Variants in YLPM1 observed in about 807,000 individuals in gnomAD.
YLPM1 encodes the protein YLP motif containing 1, also known as YLP motif-containing protein 1.
In YLPM1, 99 loss-of-function variants were observed where a neutral mutation model predicts 230.0. The observed-to-expected ratio is 0.43, with a 90% confidence interval of 0.37 to 0.51. YLPM1 has a LOEUF of 0.51. Ranked by LOEUF, YLPM1 falls within the 20% of genes least tolerant of loss-of-function variation. The pLI is 0.00. For synonymous variants in YLPM1, 984 were observed against 942.5 expected (o/e 1.04, Z -0.81); for missense variants, 2,592 against 2,707.7 (o/e 0.96, Z 0.95).
At chr14:74,769,854 CCCCCCCCCG>C (rs201030717) in intron 1 of YLPM1, among the ~76,000 whole-genome samples, 21,180 of 130,768 alleles carry the variant, frequency 0.16, 2,052 homozygotes, top group South Asian at 0.35. Flanking sequence ...GTGAGACACC[CCCCCCCCCG>C]CCCCCCGCCC....
chr14:74,791,497 T>A (rs566911358), intron 4 of YLPM1, among the ~76,000 whole-genome samples: 1 of 152,352 alleles, frequency 6.6e-6, no homozygotes, highest in Non-Finnish European at 1.5e-5. Flanking sequence ...ACTTCCTTTG[T>A]CCTTTCTTCT....
At chr14:74,830,406 C>T (rs142597248) in intron 19 of YLPM1, among the ~76,000 whole-genome samples, 2 of 152,210 alleles carry the variant, frequency 1.3e-5, no homozygotes, top group African/African-American at 4.8e-5. Flanking sequence ...GCAAAGGGAT[C>T]GTATTATATA....
Position 74,816,560 on chromosome 14 carries a change from A to G in YLPM1, c.5566-11A>G, listed in dbSNP as rs1429599552. ...AATTCGTTTTAACCTTCTTGACTGT[A>G]TGATTCTTAGGATAAGGAGGTAGAA... On this transcript the variant is annotated splice_polypyrimidine_tract_variant and intron_variant, in intron 12 of 20. Coordinates refer to ENST00000325680, the MANE Select transcript of YLPM1 (RefSeq NM_019589.3). 3.7e-6 allele frequency: 6 copies of G among 1,608,918 alleles called. No homozygotes were observed. The highest frequency in any genetic ancestry group is 5.1e-6 in the Non-Finnish European group (6 of 1,178,560).
At chr14:74,808,959 C>G (rs2091406838) in intron 6 of YLPM1, among the ~76,000 whole-genome samples, 2 of 152,124 alleles carry the variant, frequency 1.3e-5, no homozygotes, top group South Asian at 4.1e-4. Context: ...TTAATTATAA[C>G]CATTCCAGTG....
chr14:74,829,021 A>C (rs2091588246), intron 18 of YLPM1, among the ~76,000 whole-genome samples, 192 bp from the exon 19 acceptor site: 2 of 152,202 alleles, frequency 1.3e-5, no homozygotes, highest in African/African-American at 2.4e-5. Flanking sequence ...CAGTGTGAAT[A>C]CCAAACAATG....
intron 1 of YLPM1, among the ~76,000 whole-genome samples, chr14:74,773,430 G>A (rs1441278296): frequency 1.3e-5 from 2 of 152,226 alleles, no homozygotes; most frequent in Admixed American, 1.3e-4. Context: ...TAAAGAATCT[G>A]GACCTGTACA....
At chr14:74,824,046 C>G (rs998770098) in intron 17 of YLPM1, 3 of 544,312 alleles carry the variant, frequency 5.5e-6, no homozygotes, top group Non-Finnish European at 9.9e-6. Context: ...TCTGAAGTGA[C>G]TACTCTGAAA....
At position 74,817,187 on chromosome 14, in the gene YLPM1, T is replaced by G. The variant is rs777073432; in HGVS notation, c.5863-7T>G. 1.3e-6 allele frequency: 2 copies of G among 1,599,782 alleles called. No individual in the cohort carries two copies. Among genetic ancestry groups the G allele is most frequent in the South Asian group, 2.3e-5 (2 of 88,362 alleles). ...TCTTTGCCTAATTATTATTCATTCT[T>G]GCTTAGGTATATTTGGCTGAAATGA... is the stretch of plus-strand genomic sequence containing the variant. On this transcript the variant is annotated splice_region_variant and splice_polypyrimidine_tract_variant and intron_variant, in intron 14 of 20. Transcript: ENST00000325680.
chr14:74,812,750 A>G lies in YLPM1; in HGVS notation c.5470A>G (p.Lys1824Glu). Reference protein sequence around the residue: ...PESKNVDDILKPPGRESRPER... With the variant: ...PESKNVDDILEPPGRESRPER... ...ATCAAAGAATGTGGACGATATTTTG[A>G]AACCACCGGGCCGGGAGAGCAGACC... The change falls in exon 11 of 21, where the codon AAA becomes GAA. Residue 1824 changes from lysine to glutamate, a missense_variant. Coordinates refer to ENST00000325680, the MANE Select transcript of YLPM1 (RefSeq NM_019589.3). 1 of 1,613,642 alleles carries G rather than the reference A, an allele frequency of 6.2e-7. No individual in the cohort carries two copies. The highest frequency in any genetic ancestry group is 8.5e-7 in the Non-Finnish European group (1 of 1,179,758).
chr14:74,769,715 G>A (rs1407726457), intron 1 of YLPM1, among the ~76,000 whole-genome samples: 2 of 151,228 alleles, frequency 1.3e-5, no homozygotes, highest in East Asian at 2.0e-4. Flanking sequence ...AAGCTGCCAC[G>A]CCGGGCCTGT....
rs758305123 is a variant in YLPM1, at chr14:74,799,035, C to G, written c.3738C>G (p.Asp1246Glu). ...DDTLELYNRE[D>E]RFSAPPSRSH... Reference sequence around the variant, plus strand: ...CACTAGAGCTCTATAACAGAGAGGACAGGTTCTCAGCACCACCATCTCGGT... The same window carrying G: ...CACTAGAGCTCTATAACAGAGAGGAGAGGTTCTCAGCACCACCATCTCGGT... The change falls in exon 5 of 21, where the codon GAC (aspartate) becomes GAG (glutamate). Residue 1246 changes from aspartate (D) to glutamate (E), a missense_variant. Asp to Glu is a conservative substitution (Grantham distance 45). Transcript: ENST00000325680. 1.5e-5 allele frequency: 25 copies of G among 1,613,928 alleles called. No homozygotes were observed. In the East Asian group the frequency reaches 5.6e-4, roughly 36 times the overall value.
chr14:74,820,644 C>T (rs1045482762), intron 16 of YLPM1, among the ~76,000 whole-genome samples: 5 of 152,194 alleles, frequency 3.3e-5, no homozygotes, highest in South Asian at 2.1e-4. Flanking sequence ...TGCTTATTTG[C>T]GTTGCTACCA....
chr14:74,788,225 A>G (rs2091168476), intron 4 of YLPM1, among the ~76,000 whole-genome samples: 1 of 151,332 alleles, frequency 6.6e-6, no homozygotes, highest in Non-Finnish European at 1.5e-5. Flanking sequence ...GGTTCACGCC[A>G]TTCTCCTGCT....
chr14:74,793,636 A>G (rs2091229724), intron 4 of YLPM1, among the ~76,000 whole-genome samples: 1 of 152,136 alleles, frequency 6.6e-6, no homozygotes, highest in South Asian at 2.1e-4. Flanking sequence ...TCAAATATCT[A>G]GCAATCCTTG....
Position 74,797,981 on chromosome 14 carries a change from C to T in YLPM1, c.2684C>T (p.Ala895Val), listed in dbSNP as rs370333095. ...SIAADVKDVKAAQSNENLSDS... is the reference protein window; with the variant it reads ...SIAADVKDVKVAQSNENLSDS... ...GCTGCAGATGTAAAGGATGTCAAGG[C>T]GGCTCAGTCAAATGAGAATCTAAGC... Residue 895 changes from alanine (A) to valine (V), a missense_variant, in exon 5 of 21, where the codon GCG becomes GTG. Ala to Val is a moderately conservative substitution (Grantham distance 64). Around this residue, in one of 4 missense-constraint regions of YLPM1, gnomAD observed 1,862 missense variants for 1,819.8 expected, o/e 1.02. Transcript: ENST00000325680. The T allele has an allele frequency of 2.0e-5, 32 of 1,612,756 alleles. No homozygotes were observed. The highest frequency in any genetic ancestry group is 2.7e-5 in the African/African-American group (2 of 74,780).
At chr14:74,796,590 A>G (rs1353682214) in intron 4 of YLPM1, among the ~76,000 whole-genome samples, 2 of 152,148 alleles carry the variant, frequency 1.3e-5, no homozygotes, top group African/African-American at 4.8e-5. Flanking sequence ...GAGGGCACAT[A>G]TGACATTTTA....
chr14:74,774,400 A>G (rs1396173242), intron 1 of YLPM1, among the ~76,000 whole-genome samples: 1 of 150,056 alleles, frequency 6.7e-6, no homozygotes, highest in Non-Finnish European at 1.5e-5. Context: ...GGCCCAGCTA[A>G]TTTTTTTGTA....
chr14:74,763,357 G>C lies in YLPM1; in HGVS notation c.-133G>C, dbSNP rs939134818. ...CCAGCTCGGGAGCGCCGGCGCACTG[G>C]CGCGCTCCGTTTACACGCTCCGGGG... is the stretch of plus-strand genomic sequence containing the variant. On this transcript the variant is annotated 5_prime_UTR_variant, in exon 1 of 21. Coordinates refer to ENST00000325680, the MANE Select transcript of YLPM1 (RefSeq NM_019589.3). 1.7e-6 allele frequency: 2 copies of C among 1,150,626 alleles called. No individual in the cohort carries two copies. Among genetic ancestry groups the C allele is most frequent in the South Asian group, 6.1e-5 (2 of 32,960 alleles). The allele number at this position is 1,150,626 out of a possible 1,614,324, so 71.3% of individuals were successfully genotyped here.
rs1566742539 is a variant in YLPM1 at position 74,781,724 on chromosome 14, C to T, written c.1681C>T (p.Pro561Ser). 3 of 1,612,330 alleles carry T rather than the reference C, an allele frequency of 1.9e-6. No individual in the cohort carries two copies. Among genetic ancestry groups the T allele is most frequent in the Non-Finnish European group, 2.5e-6 (3 of 1,179,460 alleles). The change falls in exon 4 of 21, where the codon CCC becomes TCC. Residue 561 changes from proline to serine, a missense_variant. Pro to Ser is a moderately conservative substitution (Grantham distance 74). Transcript: ENST00000325680. ...LPATVPPPGM[P>S]PPVMPPSLPT... Reference sequence around the variant, plus strand: ...TGCTACAGTGCCACCACCTGGCATGCCCCCACCTGTTATGCCACCTTCTCT... The same window carrying T: ...TGCTACAGTGCCACCACCTGGCATGTCCCCACCTGTTATGCCACCTTCTCT...
Sources: allele counts gnomAD v4.1 joint callset (sites outside exome capture counted in the v4.1 genomes callset), GRCh38; gene constraint gnomAD v4.1.1; regional missense constraint gnomAD v4.1.1; transcripts MANE v1.5; gene names NCBI Gene and HGNC (gene_info 2026-07-23, HGNC 2026-07-21).